The following SLIT1 variants were observed in gnomAD, a reference collection of about 807,000 sequenced individuals.
SLIT1 encodes slit guidance ligand 1.
SLIT1 carries 66 observed loss-of-function variants against 186.1 expected under a neutral mutation model. That is an observed-to-expected ratio of 0.35 (90% CI 0.29 to 0.44). The LOEUF is 0.44. Ranked by LOEUF, SLIT1 falls within the 20% of genes least tolerant of loss-of-function variation. SLIT1 has a pLI of 1.00. For synonymous variants in SLIT1, 761 were observed against 833.8 expected (o/e 0.91, Z 1.50); for missense variants, 1,638 against 2,037.4 (o/e 0.80, Z 3.77).
intron 17 of SLIT1, 53 bp from the exon 18 acceptor site, chr10:97,046,850 G>A: frequency 6.3e-7 from 1 of 1,598,522 alleles, no homozygotes; most frequent in Non-Finnish European, 8.5e-7. Context: ...CAGGAGCTCA[G>A]GCCCCTCCCT....
intron 4 of SLIT1, among the ~76,000 whole-genome samples, chr10:97,112,511 G>T (rs955933804): frequency 2.0e-5 from 3 of 152,112 alleles, no homozygotes; most frequent in African/African-American, 7.2e-5. Flanking sequence ...TCATGGGCAG[G>T]ACCTGTGCTG....
At chr10:97,140,262 T>C (rs1472413562) in intron 4 of SLIT1, among the ~76,000 whole-genome samples, 1 of 152,168 alleles carries the variant, frequency 6.6e-6, no homozygotes, top group African/African-American at 2.4e-5. Flanking sequence ...ACCCCATTAG[T>C]TGCCATGTGT....
chr10:97,114,027 C>A (rs1411974428), intron 4 of SLIT1, among the ~76,000 whole-genome samples: 1 of 152,146 alleles, frequency 6.6e-6, no homozygotes, highest in Non-Finnish European at 1.5e-5. Context: ...GCCACTCCAG[C>A]TCTCCCAGCC....
chr10:97,039,883 G>C (rs1353129690), intron 21 of SLIT1, 105 bp downstream of exon 21: 9 of 1,315,294 alleles, frequency 6.8e-6, no homozygotes, highest in African/African-American at 1.5e-5. Context: ...GCCTGCTCTT[G>C]GTCACCTCCT....
intron 30 of SLIT1, 55 bp from the exon 31 acceptor site, chr10:97,011,185 GC>G: frequency 1.5e-6 from 2 of 1,313,678 alleles, no homozygotes; most frequent in Non-Finnish European, 2.2e-6. Context: ...AGTCTGGGAG[GC>G]CAGGGGAGCG....
At chr10:97,166,544 A>AGGG (rs1564692660) in intron 1 of SLIT1, among the ~76,000 whole-genome samples, 1 of 41,864 alleles carries the variant, frequency 2.4e-5, no homozygotes, top group African/African-American at 6.7e-5. Flanking sequence ...GGAAGGAAGG[A>AGGG]AGGAAGGAAG....
At chr10:97,182,943 T>C (rs1850360449) in intron 1 of SLIT1, among the ~76,000 whole-genome samples, 1 of 150,148 alleles carries the variant, frequency 6.7e-6, no homozygotes, top group South Asian at 2.1e-4. Flanking sequence ...CTGGGCAATA[T>C]AGCCAGATCC....
intron 3 of SLIT1, among the ~76,000 whole-genome samples, chr10:97,162,820 A>C (rs2817660): frequency 0.53 from 80,005 of 150,024 alleles, 21,935 homozygotes; most frequent in Admixed American, 0.64. Context: ...ACCTCACCCC[A>C]CTATGTTTCT....
At chr10:97,008,360 G>A (rs1848379964) in intron 31 of SLIT1, among the ~76,000 whole-genome samples, 1 of 152,168 alleles carries the variant, frequency 6.6e-6, no homozygotes, top group Admixed American at 6.6e-5. Flanking sequence ...TAAATGGAAA[G>A]GCATTCATGT....
chr10:97,042,340 G>A (rs1848697248), intron 20 of SLIT1, among the ~76,000 whole-genome samples: 1 of 152,150 alleles, frequency 6.6e-6, no homozygotes, highest in Non-Finnish European at 1.5e-5. Flanking sequence ...AGGATGGGAT[G>A]GCTGCACAGA....
chr10:97,098,106 AC>A (rs1296517794), intron 4 of SLIT1, among the ~76,000 whole-genome samples: 1 of 152,228 alleles, frequency 6.6e-6, no homozygotes, highest in African/African-American at 2.4e-5. Flanking sequence ...AGCTGGAACC[AC>A]TATTCCCCAA....
At chr10:97,082,504 G>A (rs569052291) in intron 4 of SLIT1, among the ~76,000 whole-genome samples, 133 of 151,402 alleles carry the variant, frequency 8.8e-4, no homozygotes, top group African/African-American at 3.2e-3. Context: ...GCATGATCTC[G>A]GCTCACTGGA....
chr10:97,015,389 G>C (rs889585169), intron 28 of SLIT1, among the ~76,000 whole-genome samples: 1 of 152,226 alleles, frequency 6.6e-6, no homozygotes, highest in East Asian at 1.9e-4. Flanking sequence ...TCAGCTGATA[G>C]AACATTAAAA....
At chr10:97,128,182 C>T (rs540322713) in intron 4 of SLIT1, among the ~76,000 whole-genome samples, 5 of 152,300 alleles carry the variant, frequency 3.3e-5, no homozygotes, top group African/African-American at 7.2e-5. Context: ...CCTCCATCCA[C>T]GCTGCTTCCT....
intron 4 of SLIT1, among the ~76,000 whole-genome samples, chr10:97,072,181 C>G (rs1032302196): frequency 2.6e-4 from 39 of 152,306 alleles, no homozygotes; most frequent in African/African-American, 9.4e-4. Flanking sequence ...TATTTAGAGA[C>G]AGCATCTCAC....
intron 4 of SLIT1, among the ~76,000 whole-genome samples, chr10:97,124,708 C>T (rs987019996): frequency 1.3e-5 from 2 of 152,184 alleles, no homozygotes; most frequent in African/African-American, 2.4e-5. Context: ...GTCCCTTCCC[C>T]ACCCAGGAGC....
intron 4 of SLIT1, among the ~76,000 whole-genome samples, chr10:97,096,417 C>T (rs1303594401): frequency 6.6e-6 from 1 of 152,054 alleles, no homozygotes; most frequent in African/African-American, 2.4e-5. Context: ...ACCCCTCCTG[C>T]CCTCCCCACC....
intron 1 of SLIT1, among the ~76,000 whole-genome samples, chr10:97,179,661 A>G (rs1345903648): frequency 6.6e-6 from 1 of 152,106 alleles, no homozygotes; most frequent in East Asian, 1.9e-4. Context: ...ACCAGGCCAA[A>G]AGCTCCTCAG....
chr10:97,132,943 G>A (rs1393281447), intron 4 of SLIT1, among the ~76,000 whole-genome samples: 1 of 152,162 alleles, frequency 6.6e-6, no homozygotes, highest in African/African-American at 2.4e-5. Flanking sequence ...GGCATGAAAT[G>A]GATCACTGGC....
Sources: allele counts gnomAD v4.1 joint callset (sites outside exome capture counted in the v4.1 genomes callset), GRCh38; gene constraint gnomAD v4.1.1; transcripts MANE v1.5; gene names NCBI Gene and HGNC (gene_info 2026-07-23, HGNC 2026-07-21).